DSCAM: variants seen among roughly 807,000 people sequenced by gnomAD.
DSCAM encodes the protein cell adhesion molecule DSCAM.
In DSCAM, 47 loss-of-function variants were observed where a neutral mutation model predicts 217.7. That is an observed-to-expected ratio of 0.22 (90% CI 0.17 to 0.28). The LOEUF (loss-of-function observed/expected upper bound fraction) is 0.28. Ranked by LOEUF, DSCAM falls within the 10% of genes least tolerant of loss-of-function variation. DSCAM has a pLI of 1.00. For synonymous variants in DSCAM, 1,056 were observed against 1,015.3 expected (o/e 1.04, Z -0.76); for missense variants, 2,080 against 2,618.3 (o/e 0.79, Z 4.49).
chr21:40,771,518 G>T (rs1416488985), intron 1 of DSCAM, among the ~76,000 whole-genome samples: 1 of 152,158 alleles, frequency 6.6e-6, no homozygotes, highest in Non-Finnish European at 1.5e-5. Context: ...CTACACGGGG[G>T]AAGGCTTCCG....
intron 8 of DSCAM, among the ~76,000 whole-genome samples, chr21:40,328,978 T>C (rs1450004703): frequency 6.6e-6 from 1 of 152,122 alleles, no homozygotes; most frequent in Non-Finnish European, 1.5e-5. Context: ...ATCTCACACA[T>C]GTTAGAATGG....
At chr21:40,778,278 A>G (rs2091506913) in intron 1 of DSCAM, among the ~76,000 whole-genome samples, 1 of 152,098 alleles carries the variant, frequency 6.6e-6, no homozygotes, top group Admixed American at 6.5e-5. Flanking sequence ...ATAAAATAAT[A>G]CCTAGTATCT....
chr21:40,222,164 C>A (rs920417041), intron 11 of DSCAM, among the ~76,000 whole-genome samples: 1 of 152,166 alleles, frequency 6.6e-6, no homozygotes, highest in Non-Finnish European at 1.5e-5. Flanking sequence ...GGATTCTTCA[C>A]CACATGCTTA....
intron 3 of DSCAM, among the ~76,000 whole-genome samples, chr21:40,435,276 A>G (rs2075572954): frequency 6.6e-6 from 1 of 152,234 alleles, no homozygotes; most frequent in East Asian, 1.9e-4. Context: ...CCTTGTTGCT[A>G]GATGATTTAT....
At chr21:40,019,689 A>C (rs1340242812) in intron 32 of DSCAM, among the ~76,000 whole-genome samples, 1 of 152,192 alleles carries the variant, frequency 6.6e-6, no homozygotes, top group Non-Finnish European at 1.5e-5. Context: ...ATATTGGGTC[A>C]CCATGTCATG....
chr21:40,846,302 C>T (rs1163691913), intron 1 of DSCAM, among the ~76,000 whole-genome samples: 2 of 152,046 alleles, frequency 1.3e-5, no homozygotes, highest in African/African-American at 2.4e-5. Flanking sequence ...CCTGTCTCTC[C>T]TTCTGTCACC....
intron 21 of DSCAM, among the ~76,000 whole-genome samples, chr21:40,092,171 C>T (rs562454254): frequency 1.3e-5 from 2 of 152,158 alleles, no homozygotes; most frequent in South Asian, 4.2e-4. Context: ...CTCATGAAAA[C>T]CTCTCATCAA....
At chr21:40,822,399 T>G (rs1400921182) in intron 1 of DSCAM, among the ~76,000 whole-genome samples, 1 of 151,480 alleles carries the variant, frequency 6.6e-6, no homozygotes, top group Non-Finnish European at 1.5e-5. Context: ...AATTGGATTA[T>G]TCAGTTTGTC....
intron 3 of DSCAM, among the ~76,000 whole-genome samples, chr21:40,433,347 A>G (rs1273641300): frequency 1.7e-4 from 6 of 34,656 alleles, no homozygotes; most frequent in Non-Finnish European, 4.1e-4. Flanking sequence ...GACTCCGTCT[A>G]AAAAAAAAAA....
intron 10 of DSCAM, among the ~76,000 whole-genome samples, chr21:40,286,346 G>C (rs112028245): frequency 6.6e-6 from 1 of 152,162 alleles, no homozygotes; most frequent in East Asian, 1.9e-4. Flanking sequence ...GGCAGCAAGG[G>C]CAAAAAAAGA....
intron 11 of DSCAM, among the ~76,000 whole-genome samples, chr21:40,249,470 C>T (rs6517586): frequency 0.56 from 85,543 of 152,010 alleles, 25,708 homozygotes; most frequent in African/African-American, 0.78. Context: ...TCCACAGCCA[C>T]GTGGAACTAT....
chr21:40,648,392 CA>C (rs772487379), intron 3 of DSCAM, among the ~76,000 whole-genome samples: 1 of 152,010 alleles, frequency 6.6e-6, no homozygotes, highest in Non-Finnish European at 1.5e-5. Flanking sequence ...GCAGATGTCC[CA>C]AGCTGACGTC....
chr21:40,178,978 T>A lies in DSCAM; in HGVS notation c.2896A>T (p.Ile966Phe), dbSNP rs1349791320. 2 of 1,613,984 alleles carry A rather than the reference T, an allele frequency of 1.2e-6. No individual in the cohort carries two copies. Among genetic ancestry groups the A allele is most frequent in the African/African-American group, 2.7e-5 (2 of 75,000 alleles). The change falls in exon 15 of 33, where the codon ATT becomes TTT. Residue 966 changes from isoleucine (I) to phenylalanine (F), a missense_variant. Around this residue, in one of 5 missense-constraint regions of DSCAM, gnomAD observed 1,144 missense variants for 1,421.1 expected, o/e 0.81. Coordinates refer to ENST00000400454, the MANE Select transcript of DSCAM (RefSeq NM_001389.5). ...YSIRMYAKNRIGKSEPSNELT... is the reference protein window; with the variant it reads ...YSIRMYAKNRFGKSEPSNELT... ...TCGTTGCTGGGCTCGCTCTTGCCAA[T>A]CCGGTTCTTGGCGTACATGCGGATG...
chr21:40,671,803 C>G (rs1051572871), intron 3 of DSCAM, among the ~76,000 whole-genome samples: 1 of 151,524 alleles, frequency 6.6e-6, no homozygotes, highest in African/African-American at 2.4e-5. Flanking sequence ...ATTGAATGAC[C>G]ATTGGAAGTA....
At chr21:40,135,170 A>G (rs1208540451) in intron 18 of DSCAM, among the ~76,000 whole-genome samples, 1 of 152,212 alleles carries the variant, frequency 6.6e-6, no homozygotes, top group Non-Finnish European at 1.5e-5. Context: ...TCAGCGACAC[A>G]TTGGTACCCA....
chr21:40,266,367 T>A (rs76618676), intron 11 of DSCAM, among the ~76,000 whole-genome samples: 5,791 of 152,036 alleles, frequency 0.038, 386 homozygotes, highest in African/African-American at 0.13. Context: ...TTGGCATGGA[T>A]GTATTGAAAA....
At position 40,012,214 on chromosome 21, in the gene DSCAM, A is replaced by G. The variant is rs1486055267; in HGVS notation, c.*820T>C. On this transcript the variant is annotated 3_prime_UTR_variant, in exon 33 of 33. Transcript: ENST00000400454. ...CTGGTTGCGGTGGAGACCAGCCTGCATTTTGTCCTCTCCAGCTTGAGAGCA... is the reference window on the plus strand; with the variant it reads ...CTGGTTGCGGTGGAGACCAGCCTGCGTTTTGTCCTCTCCAGCTTGAGAGCA... The G allele has an allele frequency of 6.6e-6, 1 of 152,124 alleles. No individual in the cohort carries two copies. The highest frequency in any genetic ancestry group is 1.5e-5 in the Non-Finnish European group (1 of 68,050). The allele number at this position is 152,124 out of a possible 1,614,324, so 9.4% of individuals were successfully genotyped here. A position where few individuals can be genotyped will look rare whatever the true frequency, so the allele number is the denominator to read the frequency against.
chr21:40,813,796 G>A (rs1393673399), intron 1 of DSCAM, among the ~76,000 whole-genome samples: 1 of 151,806 alleles, frequency 6.6e-6, no homozygotes, highest in African/African-American at 2.4e-5. Context: ...ACAGGTTCCC[G>A]CCACCACACC....
chr21:40,650,161 A>T (rs2089995575), intron 3 of DSCAM, among the ~76,000 whole-genome samples: 1 of 152,210 alleles, frequency 6.6e-6, no homozygotes, highest in Non-Finnish European at 1.5e-5. Flanking sequence ...CCCAAGGTCA[A>T]ATGCCCAAAA....
Sources: allele counts gnomAD v4.1 joint callset (sites outside exome capture counted in the v4.1 genomes callset), GRCh38; gene constraint gnomAD v4.1.1; regional missense constraint gnomAD v4.1.1; transcripts MANE v1.5; gene names NCBI Gene and HGNC (gene_info 2026-07-23, HGNC 2026-07-21).